NAV3: variants seen among roughly 807,000 people sequenced by gnomAD.
The protein encoded by NAV3 is pore membrane and/or filament interacting like protein 1.
In NAV3, 87 loss-of-function variants were observed where a neutral mutation model predicts 244.7. The ratio of observed to expected loss-of-function variants is 0.36; its 90% CI spans 0.30 to 0.42. The LOEUF is 0.42. Ranked by LOEUF, NAV3 falls within the 20% of genes least tolerant of loss-of-function variation. The pLI, the probability that NAV3 is intolerant of heterozygous loss-of-function variation, is 1.00. For missense variants in NAV3, 2,663 were observed against 2,893.3 expected, an observed-to-expected ratio of 0.92 and a Z score of 1.83; for synonymous variants, 1,126 against 1,042.2, an observed-to-expected ratio of 1.08 and a Z score of -1.55.
intron 4 of NAV3, among the ~76,000 whole-genome samples, chr12:77,967,265 ACT>A (rs1892599698): frequency 6.6e-6 from 1 of 152,030 alleles, no homozygotes; most frequent in African/African-American, 2.4e-5. Flanking sequence ...CTCAAAATTT[ACT>A]CTCTAAATTA....
rs568897791 is a variant in NAV3 at position 78,169,500 on chromosome 12, A to AT, written c.4981+641dup. On this transcript the variant is annotated intron_variant, in intron 24 of 39. Coordinates refer to ENST00000397909, the MANE Select transcript of NAV3 (RefSeq NM_001024383.2). ...AAATGCTCATTATTAATATCGTGTC[A>AT]TTTTTTTCCTTTACATTGGTTCTAT... 1.5e-4 allele frequency among the ~76,000 whole-genome samples: 22 copies of AT among 151,672 alleles called. No homozygotes were observed. In the South Asian group the frequency reaches 2.1e-3, roughly 14 times the overall value.
intron 18 of NAV3, among the ~76,000 whole-genome samples, chr12:78,131,244 G>A (rs1022992703): frequency 6.6e-6 from 1 of 152,050 alleles, no homozygotes; most frequent in African/African-American, 2.4e-5. Flanking sequence ...TATTGAGTAG[G>A]GCTTTTAGCA....
intron 2 of NAV3, among the ~76,000 whole-genome samples, chr12:77,597,199 T>C (rs1870208029): frequency 6.6e-6 from 1 of 152,102 alleles, no homozygotes; most frequent in African/African-American, 2.4e-5. Flanking sequence ...GTCCCTTTCT[T>C]CAGCCTGTTT....
chr12:77,811,910 C>T (rs1035033376), intron 2 of NAV3, among the ~76,000 whole-genome samples: 6 of 152,222 alleles, frequency 3.9e-5, no homozygotes, highest in Admixed American at 2.6e-4. Context: ...AACTAGTTCC[C>T]ATTTTTATCA....
chr12:77,864,139 G>T (rs183791215), intron 1 of NAV3, among the ~76,000 whole-genome samples: 2 of 151,924 alleles, frequency 1.3e-5, no homozygotes, highest in East Asian at 1.9e-4. Flanking sequence ...AATTTGGTTT[G>T]TACTTTCACC....
At position 78,039,631 on chromosome 12, in the gene NAV3, A is replaced by G. The variant is rs142522527; in HGVS notation, c.2024-10362A>G. On this transcript the variant is annotated intron_variant, in intron 9 of 39. Coordinates refer to ENST00000397909, the MANE Select transcript of NAV3 (RefSeq NM_001024383.2). ...AATAAGATTTATTCATACAGATTTGATTTCCTATTGAAAGATGGCAATGCT... is the reference window on the plus strand; with the variant it reads ...AATAAGATTTATTCATACAGATTTGGTTTCCTATTGAAAGATGGCAATGCT... Among the ~76,000 whole-genome samples the G allele has an allele frequency of 3.1e-4, 47 of 152,204 alleles. No individual in the cohort carries two copies. The East Asian group carries it at 7.5e-3, about 24-fold the overall frequency.
chr12:77,888,187 C>T (rs1883518249), intron 1 of NAV3, among the ~76,000 whole-genome samples: 1 of 152,042 alleles, frequency 6.6e-6, no homozygotes, highest in Non-Finnish European at 1.5e-5. Flanking sequence ...AAGTGGTTAT[C>T]ATTGTATACA....
chr12:77,591,947 T>C (rs1431428497), intron 2 of NAV3, among the ~76,000 whole-genome samples: 2 of 152,346 alleles, frequency 1.3e-5, no homozygotes, highest in East Asian at 3.9e-4. Context: ...AACTATATTT[T>C]TCATTCTGAT....
chr12:77,767,264 T>G (rs950154177), intron 2 of NAV3, among the ~76,000 whole-genome samples: 2 of 152,194 alleles, frequency 1.3e-5, no homozygotes, highest in African/African-American at 4.8e-5. Flanking sequence ...GAGATAATAT[T>G]TGTAAAACAG....
chr12:77,873,742 G>GTATATATATATA (rs1294527901), intron 1 of NAV3, among the ~76,000 whole-genome samples: 9 of 57,986 alleles, frequency 1.6e-4, no homozygotes, highest in African/African-American at 3.6e-4. Flanking sequence ...ATATGTGTGT[G>GTATATATATATA]TGTATATATA....
intron 1 of NAV3, among the ~76,000 whole-genome samples, chr12:77,931,622 T>G (rs2619069): frequency 0.86 from 130,184 of 151,948 alleles, 55,850 homozygotes; most frequent in East Asian, 0.98. Context: ...ATCCCAGCAC[T>G]TTGGGAGGCC....
chr12:77,672,790 TCC>T (rs1874042952), intron 2 of NAV3, among the ~76,000 whole-genome samples: 1 of 151,724 alleles, frequency 6.6e-6, no homozygotes, highest in South Asian at 2.1e-4. Flanking sequence ...AAGAACCTGT[TCC>T]CTAAAAACTT....
intron 2 of NAV3, among the ~76,000 whole-genome samples, chr12:77,777,762 A>T (rs11832776): frequency 0.025 from 3,750 of 152,124 alleles, 166 homozygotes; most frequent in African/African-American, 0.086. Context: ...AAAGACTAGA[A>T]GGTACCTCAC....
intron 2 of NAV3, among the ~76,000 whole-genome samples, chr12:77,673,308 C>T (rs534805264): frequency 7.9e-5 from 12 of 152,028 alleles, no homozygotes; most frequent in Non-Finnish European, 1.3e-4. Context: ...TCATACTCAG[C>T]GTCTCACATG....
intron 2 of NAV3, among the ~76,000 whole-genome samples, chr12:77,782,960 C>G (rs73418704): frequency 6.6e-6 from 1 of 151,934 alleles, no homozygotes; most frequent in Non-Finnish European, 1.5e-5. Flanking sequence ...CTCTCTGGGG[C>G]GTGAGGTGAA....
chr12:78,134,856 G>T (rs1041301203), intron 18 of NAV3, among the ~76,000 whole-genome samples: 1 of 152,172 alleles, frequency 6.6e-6, no homozygotes, highest in Non-Finnish European at 1.5e-5. Context: ...TTAATAAAAG[G>T]TTAGTGGCTT....
intron 1 of NAV3, among the ~76,000 whole-genome samples, chr12:77,934,253 A>G (rs764330155): frequency 5.3e-5 from 8 of 152,122 alleles, no homozygotes; most frequent in Non-Finnish European, 1.0e-4. Context: ...TTCCTGTCAT[A>G]CATAACTTGA....
Position 77,722,310 on chromosome 12 carries a change from T to A in NAV3, c.72+150044T>A, listed in dbSNP as rs147608012. Among the ~76,000 whole-genome samples, 27 of 152,188 alleles carry A rather than the reference T, an allele frequency of 1.8e-4. 1 individual carries two copies. Among genetic ancestry groups the A allele is most frequent in the African/African-American group, 5.5e-4 (23 of 41,546 alleles). Reference sequence around the variant, plus strand: ...TAATCATCCTTTTTTCAGGAAAAGATGAATTCAGGGTTTTCTATAATTAAT... The same window carrying A: ...TAATCATCCTTTTTTCAGGAAAAGAAGAATTCAGGGTTTTCTATAATTAAT... On this transcript the variant is annotated intron_variant, in intron 2 of 8. Transcript: ENST00000550042.
At chr12:78,116,482 T>TA (rs1416989729) in intron 12 of NAV3, among the ~76,000 whole-genome samples, 5 of 152,228 alleles carry the variant, frequency 3.3e-5, no homozygotes, top group African/African-American at 9.6e-5. Flanking sequence ...TCTTTCCTGA[T>TA]ACCATGCAGT....
Sources: allele counts gnomAD v4.1 joint callset (sites outside exome capture counted in the v4.1 genomes callset), GRCh38; gene constraint gnomAD v4.1.1; transcripts MANE v1.5; gene names NCBI Gene and HGNC (gene_info 2026-07-23, HGNC 2026-07-21).